Variants in SPIDR observed in about 807,000 individuals in gnomAD.
The protein encoded by SPIDR is scaffold protein involved in DNA repair.
A neutral mutation model predicts 104.6 loss-of-function variants in SPIDR; 93 were observed. The ratio of observed to expected loss-of-function variants is 0.89; its 90% confidence interval spans 0.75 to 1.06. The LOEUF (loss-of-function observed/expected upper bound fraction) is 1.06. Ranked by LOEUF, SPIDR falls within the 50% of genes least tolerant of loss-of-function variation. SPIDR has a pLI of 0.00. For synonymous variants in SPIDR, 431 were observed against 416.9 expected (o/e 1.03, Z -0.41); for missense variants, 1,154 against 1,111.2 (o/e 1.04, Z -0.55).
intron 8 of SPIDR, among the ~76,000 whole-genome samples, chr8:47,466,764 GA>G (rs149218766): frequency 0.028 from 4,229 of 149,168 alleles, 155 homozygotes; most frequent in African/African-American, 0.094. Flanking sequence ...AAAAGAACTA[GA>G]AAACCAAAAG....
intron 8 of SPIDR, among the ~76,000 whole-genome samples, chr8:47,520,297 G>A (rs907280033): frequency 6.6e-6 from 1 of 152,124 alleles, no homozygotes; most frequent in Non-Finnish European, 1.5e-5. Flanking sequence ...TTGAACGTGT[G>A]TAAGCCCCAT....
chr8:47,563,893 AATATCTGACCAGTCTTTCAGC>A (rs1490358348), intron 8 of SPIDR, among the ~76,000 whole-genome samples: 1 of 152,086 alleles, frequency 6.6e-6, no homozygotes, highest in East Asian at 1.9e-4. Context: ...TATTTAACAC[AATATCTGACCAGTCTTTCAGC>A]TACTTGATTA....
At chr8:47,677,431 C>T (rs2076585056) in intron 11 of SPIDR, among the ~76,000 whole-genome samples, 1 of 152,108 alleles carries the variant, frequency 6.6e-6, no homozygotes. Context: ...GAAAGGAGAC[C>T]TCTTTCAGTT....
chr8:47,689,293 T>G (rs1253961707), intron 11 of SPIDR, among the ~76,000 whole-genome samples: 1 of 152,224 alleles, frequency 6.6e-6, no homozygotes, highest in African/African-American at 2.4e-5. Context: ...TTGGCTTACC[T>G]TTAACCAGAA....
chr8:47,672,124 A>C (rs2075880142), intron 10 of SPIDR, among the ~76,000 whole-genome samples: 1 of 152,090 alleles, frequency 6.6e-6, no homozygotes, highest in Non-Finnish European at 1.5e-5. Context: ...TACCCAGCTA[A>C]ATTTTTTAAA....
chr8:47,590,898 GCCTT>G (rs2060927220), intron 8 of SPIDR, among the ~76,000 whole-genome samples: 1 of 152,086 alleles, frequency 6.6e-6, no homozygotes, highest in African/African-American at 2.4e-5. Context: ...TATGTAATGT[GCCTT>G]TCTATATTTG....
chr8:47,352,317 T>C (rs545186786), intron 5 of SPIDR, among the ~76,000 whole-genome samples: 1 of 151,484 alleles, frequency 6.6e-6, no homozygotes, highest in Non-Finnish European at 1.5e-5. Flanking sequence ...AATTTGACCG[T>C]GTACTTCTTG....
At chr8:47,497,195 A>G (rs995710275) in intron 8 of SPIDR, among the ~76,000 whole-genome samples, 1 of 151,354 alleles carries the variant, frequency 6.6e-6, no homozygotes. Flanking sequence ...ATTGTTTTCT[A>G]TTCTCTATTT....
At chr8:47,646,126 A>C (rs2070301353) in intron 10 of SPIDR, among the ~76,000 whole-genome samples, 1 of 152,244 alleles carries the variant, frequency 6.6e-6, no homozygotes. Flanking sequence ...ACTCAGTATA[A>C]AAATGGGCAA....
At chr8:47,505,893 A>G (rs1335584285) in intron 8 of SPIDR, among the ~76,000 whole-genome samples, 2 of 152,228 alleles carry the variant, frequency 1.3e-5, no homozygotes, top group Non-Finnish European at 2.9e-5. Context: ...AACCATAAGT[A>G]TACTTAGCCT....
intron 8 of SPIDR, among the ~76,000 whole-genome samples, chr8:47,574,376 AATAAT>A (rs2058842359): frequency 2.0e-5 from 3 of 152,280 alleles, no homozygotes; most frequent in Non-Finnish European, 2.9e-5. Context: ...GCATTATTCA[AATAAT>A]ATAATCTGTT....
rs2076067954 is a variant in SPIDR, at chr8:47,474,497, T to C, written c.1097+33955T>C. On this transcript the variant is annotated intron_variant, in intron 8 of 19. Coordinates refer to ENST00000297423, the MANE Select transcript of SPIDR (RefSeq NM_001080394.4). ...TCTCACTCCCAGGAGTAATTCTGAG[T>C]GTTGGTTCTCTTTCTGGTGGGAGTG... is the stretch of plus-strand genomic sequence containing the variant. Among the ~76,000 whole-genome samples, 5 of 152,122 alleles carry C rather than the reference T, an allele frequency of 3.3e-5. No individual in the cohort carries two copies. The South Asian group carries it at 1.0e-3, about 32-fold the overall frequency.
chr8:47,454,643 A>G (rs2072601819), intron 8 of SPIDR, among the ~76,000 whole-genome samples: 1 of 152,170 alleles, frequency 6.6e-6, no homozygotes, highest in African/African-American at 2.4e-5. Context: ...ATAAAAATAA[A>G]AATAAAAGAC....
chr8:47,437,653 G>T (rs2068612229), intron 7 of SPIDR, among the ~76,000 whole-genome samples: 1 of 151,858 alleles, frequency 6.6e-6, no homozygotes, highest in South Asian at 2.1e-4. Context: ...CATCATCACT[G>T]GCCATCAGAG....
intron 7 of SPIDR, among the ~76,000 whole-genome samples, chr8:47,418,890 C>G (rs575126605): frequency 6.6e-6 from 1 of 152,184 alleles, no homozygotes; most frequent in African/African-American, 2.4e-5. Context: ...TGGTTTTTGT[C>G]ATTGGTTTTG....
intron 8 of SPIDR, among the ~76,000 whole-genome samples, chr8:47,457,592 T>C (rs1554710586): frequency 6.6e-6 from 1 of 152,184 alleles, no homozygotes; most frequent in Non-Finnish European, 1.5e-5. Flanking sequence ...AAAAGCTCTT[T>C]AGTTTAATTA....
intron 8 of SPIDR, among the ~76,000 whole-genome samples, chr8:47,470,086 A>G (rs1402625879): frequency 6.6e-6 from 1 of 152,184 alleles, no homozygotes; most frequent in Non-Finnish European, 1.5e-5. Flanking sequence ...GCAGACCTCA[A>G]GTAGCCAAAA....
intron 10 of SPIDR, among the ~76,000 whole-genome samples, chr8:47,665,557 T>G (rs1160394268): frequency 2.0e-5 from 3 of 152,224 alleles, no homozygotes; most frequent in Non-Finnish European, 4.4e-5. Flanking sequence ...AGAAATTAGT[T>G]TGTACTATAT....
At chr8:47,480,543 T>C (rs1435985092) in intron 8 of SPIDR, among the ~76,000 whole-genome samples, 1 of 152,170 alleles carries the variant, frequency 6.6e-6, no homozygotes, top group Non-Finnish European at 1.5e-5. Flanking sequence ...ATAGTGTTAG[T>C]GGGTAGTTGG....
Sources: allele counts gnomAD v4.1 joint callset (sites outside exome capture counted in the v4.1 genomes callset), GRCh38; gene constraint gnomAD v4.1.1; transcripts MANE v1.5; gene names NCBI Gene and HGNC (gene_info 2026-07-23, HGNC 2026-07-21).